RSBN1L: variants seen among roughly 807,000 people sequenced by gnomAD.
RSBN1L encodes the protein round spermatid basic protein 1 like, also known as lysine-specific demethylase RSBN1L.
RSBN1L carries 30 observed loss-of-function variants against 67.7 expected under a neutral mutation model. The observed-to-expected ratio is 0.44, with a 90% CI of 0.33 to 0.60. The LOEUF (loss-of-function observed/expected upper bound fraction) is 0.60. RSBN1L is among the 20% of genes least tolerant of loss of function. The pLI is 0.02. For missense variants in RSBN1L, 992 were observed against 1,031.7 expected (o/e 0.96, Z 0.53); for synonymous variants, 433 against 387.0 (o/e 1.12, Z -1.39).
intron 2 of RSBN1L, among the ~76,000 whole-genome samples, chr7:77,744,719 C>T (rs1197836487): frequency 6.6e-6 from 1 of 152,106 alleles, no homozygotes; most frequent in Non-Finnish European, 1.5e-5. Flanking sequence ...CGCCTGGCCA[C>T]AGATAGACTC....
chr7:77,738,821 C>T (rs1158020804), intron 2 of RSBN1L, among the ~76,000 whole-genome samples: 1 of 151,888 alleles, frequency 6.6e-6, no homozygotes, highest in Non-Finnish European at 1.5e-5. Context: ...TGCCTGTAAT[C>T]CCAGCAACTC....
At chr7:77,709,858 C>T (rs1156974930) in intron 1 of RSBN1L, among the ~76,000 whole-genome samples, 3 of 152,178 alleles carry the variant, frequency 2.0e-5, no homozygotes, top group African/African-American at 7.2e-5. Context: ...AAATTGCCTC[C>T]TTGACATTTA....
chr7:77,719,834 G>A (rs1474744917), intron 1 of RSBN1L, among the ~76,000 whole-genome samples: 1 of 152,218 alleles, frequency 6.6e-6, no homozygotes, highest in Admixed American at 6.5e-5. Context: ...GTGTGATCAT[G>A]GCTCACTGCA....
intron 3 of RSBN1L, among the ~76,000 whole-genome samples, chr7:77,751,228 C>T (rs1791552457): frequency 6.6e-6 from 1 of 152,118 alleles, no homozygotes; most frequent in South Asian, 2.1e-4. Context: ...CAACCTCTGC[C>T]TTCCGGGTTC....
intron 3 of RSBN1L, among the ~76,000 whole-genome samples, chr7:77,755,167 A>G (rs1791600708): frequency 6.6e-6 from 1 of 152,194 alleles, no homozygotes; most frequent in African/African-American, 2.4e-5. Context: ...ATTGGAATGT[A>G]GTTTTACTTA....
At chr7:77,774,775 C>G (rs1791890665) in intron 6 of RSBN1L, among the ~76,000 whole-genome samples, 1 of 152,098 alleles carries the variant, frequency 6.6e-6, no homozygotes, top group Admixed American at 6.6e-5. Context: ...ATTTTGCTTG[C>G]TTAGATTTTT....
intron 1 of RSBN1L, among the ~76,000 whole-genome samples, chr7:77,703,536 C>A (rs1013494620): frequency 3.4e-5 from 4 of 117,404 alleles, no homozygotes; most frequent in Non-Finnish European, 6.4e-5. Context: ...TTCACCCAGG[C>A]TGGAGTGCAG....
chr7:77,726,036 C>T (rs761168369), intron 1 of RSBN1L, among the ~76,000 whole-genome samples: 1 of 151,692 alleles, frequency 6.6e-6, no homozygotes, highest in Non-Finnish European at 1.5e-5. Flanking sequence ...GTGTATCTGT[C>T]TGTATTTCTA....
intron 1 of RSBN1L, among the ~76,000 whole-genome samples, chr7:77,724,323 AAG>A (rs1791162265): frequency 6.6e-6 from 1 of 152,176 alleles, no homozygotes; most frequent in Non-Finnish European, 1.5e-5. Flanking sequence ...ATCTTTAAAA[AAG>A]TATGTATCTG....
intron 1 of RSBN1L, 66 bp from the exon 2 acceptor site, chr7:77,736,344 A>G: frequency 1.3e-6 from 1 of 755,116 alleles, no homozygotes. Flanking sequence ...ATTTACCTAT[A>G]GTTTGTGCAG....
chr7:77,768,147 G>A (rs763107953), intron 4 of RSBN1L, among the ~76,000 whole-genome samples: 2 of 151,902 alleles, frequency 1.3e-5, no homozygotes, highest in African/African-American at 4.8e-5. Flanking sequence ...GAGCCACTGC[G>A]CGCCCAGCCT....
At chr7:77,726,776 A>ATTTTT (rs35354992) in intron 1 of RSBN1L, among the ~76,000 whole-genome samples, 4 of 112,280 alleles carry the variant, frequency 3.6e-5, no homozygotes, top group African/African-American at 7.1e-5. Context: ...CACCCAGCTA[A>ATTTTT]TTTTTTTTTT....
chr7:77,741,161 G>A (rs2040953), intron 2 of RSBN1L, among the ~76,000 whole-genome samples: 86,481 of 150,412 alleles, frequency 0.57, 26,697 homozygotes, highest in African/African-American at 0.81. Context: ...TAATTTTTGT[G>A]TTTGTAGTAG....
chr7:77,726,156 C>T (rs1791200889), intron 1 of RSBN1L, among the ~76,000 whole-genome samples: 1 of 152,170 alleles, frequency 6.6e-6, no homozygotes, highest in Non-Finnish European at 1.5e-5. Context: ...CCATTATTAA[C>T]ATCTTACATT....
intron 3 of RSBN1L, among the ~76,000 whole-genome samples, chr7:77,763,213 A>G (rs942429900): frequency 3.4e-5 from 5 of 146,888 alleles, no homozygotes; most frequent in African/African-American, 1.3e-4. Context: ...TCCTGGGCTC[A>G]AGTGATCCTC....
chr7:77,735,875 CTATTTT>C (rs1372797543), intron 1 of RSBN1L, among the ~76,000 whole-genome samples: 2 of 152,086 alleles, frequency 1.3e-5, no homozygotes, highest in Admixed American at 6.6e-5. Context: ...TTGAGTCATA[CTATTTT>C]TAAAAGGAGC....
In RSBN1L at chr7:77,696,633, G is replaced by C; in HGVS notation, c.164G>C (p.Arg55Thr). The C allele has an allele frequency of 6.2e-7, 1 of 1,614,002 alleles. No individual in the cohort carries two copies. The highest frequency in any genetic ancestry group is 1.3e-5 in the African/African-American group (1 of 75,074). The change falls in exon 1 of 8, where the codon AGA becomes ACA. Residue 55 changes from arginine to threonine, a missense_variant. Physicochemically the swap from Arg to Thr is moderately conservative, Grantham distance 71 (BLOSUM62 -1). Transcript: ENST00000334955. ...VRTEEKKAPR[R>T]VNGEGGSGGN... Reference sequence around the variant, plus strand: ...ACTGAGGAGAAGAAGGCACCGCGGAGAGTGAACGGAGAAGGGGGCAGCGGC... The same window carrying C: ...ACTGAGGAGAAGAAGGCACCGCGGACAGTGAACGGAGAAGGGGGCAGCGGC...
chr7:77,713,379 CAG>C (rs559798826), intron 1 of RSBN1L, among the ~76,000 whole-genome samples: 2 of 148,778 alleles, frequency 1.3e-5, no homozygotes. Context: ...TCCTTTGAGA[CAG>C]AGTCTCACTC....
At chr7:77,740,470 A>G in intron 2 of RSBN1L, among the ~76,000 whole-genome samples, 1 of 152,242 alleles carries the variant, frequency 6.6e-6, no homozygotes, top group East Asian at 1.9e-4. Flanking sequence ...TAGGTAAATC[A>G]TGGCTGGAAG....
Sources: gnomAD v4.1 joint callset for allele counts (sites outside exome capture counted in the v4.1 genomes callset) on GRCh38, gnomAD v4.1.1 for gene constraint, MANE v1.5 for transcripts, NCBI Gene and HGNC (gene_info 2026-07-23, HGNC 2026-07-21) for gene names.